ENAH: variants seen among roughly 807,000 people sequenced by gnomAD.
ENAH encodes protein enabled homolog.
Under a neutral mutation model 78.7 loss-of-function variants are expected in ENAH, and 23 were observed. That is an observed-to-expected ratio of 0.29 (90% confidence interval 0.21 to 0.41). The LOEUF is 0.41. ENAH is among the 10% of genes least tolerant of loss of function. The probability of loss-of-function intolerance (pLI) is 1.00; values close to 1 mark genes in which losing one functional copy is unlikely to be tolerated. For missense variants in ENAH, 544 were observed against 691.0 expected, an observed-to-expected ratio of 0.79 and a Z score of 2.39; for synonymous variants, 226 against 241.0, an observed-to-expected ratio of 0.94 and a Z score of 0.58.
chr1:225,571,374 A>AAAAAAAAG (rs1178514116), intron 1 of ENAH, among the ~76,000 whole-genome samples: 1 of 151,556 alleles, frequency 6.6e-6, no homozygotes, highest in Non-Finnish European at 1.5e-5. Context: ...CTCTGTCTCA[A>AAAAAAAAG]AAAAAAAGAA....
intron 1 of ENAH, among the ~76,000 whole-genome samples, chr1:225,597,095 A>G (rs2096905341): frequency 6.6e-6 from 1 of 152,198 alleles, no homozygotes; most frequent in Admixed American, 6.5e-5. Context: ...AATACTGAAC[A>G]TCAATCCTAC....
intron 4 of ENAH, among the ~76,000 whole-genome samples, chr1:225,524,351 A>G (rs2096490033): frequency 1.3e-5 from 2 of 152,236 alleles, no homozygotes; most frequent in Non-Finnish European, 2.9e-5. Context: ...TACTAGGTAA[A>G]TAAGAATGAT....
At chr1:225,609,719 CAGTGGCACG>C (rs1432539743) in intron 1 of ENAH, among the ~76,000 whole-genome samples, 5 of 120,010 alleles carry the variant, frequency 4.2e-5, no homozygotes, top group South Asian at 2.7e-4. Flanking sequence ...GGCTGGAATG[CAGTGGCACG>C]ATCTTGGCTC....
At chr1:225,652,488 C>G in intron 1 of ENAH, 198 bp downstream of exon 1, 1 of 902,478 alleles carries the variant, frequency 1.1e-6, no homozygotes. Context: ...AGCGAGACCC[C>G]CAAACCACAC....
rs781581587 is a variant in ENAH, at chr1:225,567,332, T to C, written c.88A>G (p.Thr30Ala). The change falls in exon 2 of 14, where the codon ACT becomes GCT. Residue 30 changes from threonine to alanine, a missense_variant. Around this residue, in one of 4 missense-constraint regions of ENAH, gnomAD observed 77 missense variants for 151.8 expected, o/e 0.51. Coordinates refer to ENST00000366843, the MANE Select transcript of ENAH (RefSeq NM_018212.6). ...NKKWVPAGGS[T>A]GFSRVHIYHH... ...TAGATATGAACTCTGCTGAATCCAG[T>C]TGAGCCACCAGCTGGCACCCACTTC... 12 of 1,614,020 alleles carry C rather than the reference T, an allele frequency of 7.4e-6. No individual in the cohort carries two copies. The highest frequency in any genetic ancestry group is 2.7e-5 in the African/African-American group (2 of 74,936).
In ENAH at chr1:225,538,336, T is replaced by C. The variant is rs116531643; in HGVS notation, c.350-7698A>G. On this transcript the variant is annotated intron_variant, in intron 3 of 13. Transcript: ENST00000366843. ...CAGTTGCTGCATTAAAAAAAAAAGT[T>C]ACCACATTGCAGGGCACTGTGCTAG... Among the ~76,000 whole-genome samples, 278 of 152,174 alleles carry C rather than the reference T, an allele frequency of 1.8e-3. 2 individuals carry two copies. Among genetic ancestry groups the C allele is most frequent in the African/African-American group, 6.2e-3 (259 of 41,516 alleles).
At chr1:225,501,456 T>C (rs1222686245) in intron 11 of ENAH, among the ~76,000 whole-genome samples, 1 of 152,224 alleles carries the variant, frequency 6.6e-6, no homozygotes, top group Non-Finnish European at 1.5e-5. Context: ...TTTGAACTTT[T>C]ACATTATCTA....
chr1:225,622,851 T>A (rs1209832077), intron 1 of ENAH, among the ~76,000 whole-genome samples: 1 of 152,090 alleles, frequency 6.6e-6, no homozygotes, highest in African/African-American at 2.4e-5. Context: ...AGCTAGGGGA[T>A]AGGGGATCAC....
Position 225,493,844 on chromosome 1 carries a change from T to C in ENAH, c.*3931A>G, listed in dbSNP as rs2096235402. 6.6e-6 allele frequency: 1 copy of C among 152,122 alleles called. No homozygotes were observed. The highest frequency in any genetic ancestry group is 1.5e-5 in the Non-Finnish European group (1 of 68,002). 9.4% of individuals were successfully genotyped at this position (152,122 alleles called of 1,614,324 possible). ...CCTTGTAGCATACCTTTGCACACTG[T>C]GCTTCATAGGGTAATACTACTTAGA... On this transcript the variant is annotated 3_prime_UTR_variant, in exon 14 of 14. Coordinates refer to ENST00000366843, the MANE Select transcript of ENAH (RefSeq NM_018212.6).
chr1:225,544,671 A>G (rs1030120852), intron 3 of ENAH, among the ~76,000 whole-genome samples: 3 of 152,264 alleles, frequency 2.0e-5, no homozygotes, highest in African/African-American at 4.8e-5. Flanking sequence ...AGCTGCGCTC[A>G]TGAAAAATGA....
chr1:225,639,310 A>C (rs754072883), intron 1 of ENAH, among the ~76,000 whole-genome samples: 1 of 152,202 alleles, frequency 6.6e-6, no homozygotes, highest in South Asian at 2.1e-4. Flanking sequence ...ATATGTATAC[A>C]TGATTTATGC....
chr1:225,537,847 G>A (rs1390281645), intron 3 of ENAH, among the ~76,000 whole-genome samples: 1 of 151,800 alleles, frequency 6.6e-6, no homozygotes, highest in Non-Finnish European at 1.5e-5. Flanking sequence ...GGGAAATGTA[G>A]AAACGCTGGG....
intron 1 of ENAH, among the ~76,000 whole-genome samples, chr1:225,588,126 C>A (rs1048698612): frequency 1.3e-5 from 2 of 152,008 alleles, no homozygotes; most frequent in African/African-American, 4.8e-5. Context: ...TAAAAAGACA[C>A]TTTTAAGAAA....
chr1:225,620,364 A>C (rs939318301), intron 1 of ENAH, among the ~76,000 whole-genome samples: 1 of 151,918 alleles, frequency 6.6e-6, no homozygotes, highest in African/African-American at 2.4e-5. Context: ...CGTATCTACC[A>C]AAAATACAAA....
intron 1 of ENAH, among the ~76,000 whole-genome samples, chr1:225,578,301 CA>C (rs1281368032): frequency 2.0e-5 from 3 of 152,080 alleles, no homozygotes; most frequent in Non-Finnish European, 4.4e-5. Context: ...ACTCTGTCTC[CA>C]CAAGATATGA....
At position 225,488,825 on chromosome 1, in the gene ENAH, T is replaced by G. The variant is rs1442158700; in HGVS notation, c.*8950A>C. On this transcript the variant is annotated 3_prime_UTR_variant, in exon 14 of 14. Coordinates refer to ENST00000366843, the MANE Select transcript of ENAH (RefSeq NM_018212.6). Reference sequence around the variant, plus strand: ...CTGACTTTCTGCCAAATTATCTTTATCTTCCTAAGACGAAGCAAAGACTCA... The same window carrying G: ...CTGACTTTCTGCCAAATTATCTTTAGCTTCCTAAGACGAAGCAAAGACTCA... 1 of 152,204 alleles carries G rather than the reference T, an allele frequency of 6.6e-6. No homozygotes were observed. Among genetic ancestry groups the G allele is most frequent in the Non-Finnish European group, 1.5e-5 (1 of 68,028 alleles). The allele number at this position is 152,204 out of a possible 1,614,324, so 9.4% of individuals were successfully genotyped here.
At chr1:225,547,135 A>G (rs2096618594) in intron 3 of ENAH, among the ~76,000 whole-genome samples, 1 of 151,444 alleles carries the variant, frequency 6.6e-6, no homozygotes, top group Non-Finnish European at 1.5e-5. Context: ...GCAGTGGTGC[A>G]ATCTCGGCTC....
chr1:225,592,619 T>A (rs1275570486), intron 1 of ENAH, among the ~76,000 whole-genome samples: 1 of 152,256 alleles, frequency 6.6e-6, no homozygotes, highest in Non-Finnish European at 1.5e-5. Context: ...TTGTCTTTTG[T>A]TATATTTTAG....
At chr1:225,517,649 A>T in intron 5 of ENAH, 1 of 1,550,752 alleles carries the variant, frequency 6.4e-7, no homozygotes, top group Non-Finnish European at 8.7e-7. Context: ...GAAGTAGACC[A>T]GGCACAGGGC....
Sources: allele counts gnomAD v4.1 joint callset (sites outside exome capture counted in the v4.1 genomes callset), GRCh38; gene constraint gnomAD v4.1.1; regional missense constraint gnomAD v4.1.1; transcripts MANE v1.5; gene names NCBI Gene and HGNC (gene_info 2026-07-23, HGNC 2026-07-21).